SFXN4: variants seen among roughly 807,000 people sequenced by gnomAD.
SFXN4 encodes sideroflexin-4.
Under a neutral mutation model 54.6 loss-of-function variants are expected in SFXN4, and 48 were observed. The observed-to-expected ratio is 0.88, with a 90% CI of 0.70 to 1.12. The LOEUF (loss-of-function observed/expected upper bound fraction) is 1.12. SFXN4 is among the 50% of genes most tolerant of loss of function. The probability of loss-of-function intolerance (pLI) is 0.00; values close to 1 mark genes in which losing one functional copy is unlikely to be tolerated. For missense variants in SFXN4, 383 were observed against 409.2 expected, an observed-to-expected ratio of 0.94 and a Z score of 0.55; for synonymous variants, 130 against 145.5, an observed-to-expected ratio of 0.89 and a Z score of 0.77.
intron 11 of SFXN4, among the ~76,000 whole-genome samples, chr10:119,150,363 G>A (rs1847013065): frequency 6.6e-6 from 1 of 152,080 alleles, no homozygotes; most frequent in Non-Finnish European, 1.5e-5. Context: ...CAGGCAGGAG[G>A]TGCTGGGAAC....
At position 119,164,118 on chromosome 10, in the gene SFXN4, AAAC is replaced by A. The variant is rs1476670407; in HGVS notation, c.177+10_177+12del. ...AAAATGTGAAATTCATTAGCTCTGA[AAAC>A]AATACTTACAACTGAAATGAACACA... On this transcript the variant is annotated intron_variant, in intron 2 of 13. Transcript: ENST00000355697. 1.3e-6 allele frequency: 2 copies of A among 1,501,536 alleles called. No individual in the cohort carries two copies. Among genetic ancestry groups the A allele is most frequent in the African/African-American group, 2.8e-5 (2 of 71,470 alleles). 93.0% of individuals were successfully genotyped at this position (1,501,536 alleles called of 1,614,324 possible).
chr10:119,153,952 C>T (rs992114805), intron 11 of SFXN4, among the ~76,000 whole-genome samples: 18 of 151,946 alleles, frequency 1.2e-4, no homozygotes, highest in African/African-American at 3.9e-4. Context: ...CCGAGGCGGG[C>T]GGAACACCTG....
rs867165677 is a variant in SFXN4, at chr10:119,161,437, C to A, written c.253-356G>T. On this transcript the variant is annotated intron_variant, in intron 3 of 13. Coordinates refer to ENST00000355697, the MANE Select transcript of SFXN4 (RefSeq NM_213649.2). ...AAACAACAACAACAACAAAAAAAAA[C>A]AAAAAAAAAAAAAAAGCTTTTAAAG... Among the ~76,000 whole-genome samples the A allele has an allele frequency of 1.8e-3, 217 of 119,720 alleles. 1 individual carries two copies. Among genetic ancestry groups the A allele is most frequent in the African/African-American group, 3.8e-3 (122 of 31,750 alleles). The allele number at this position is 119,720 out of a possible 152,430, so 78.5% of individuals were successfully genotyped here. A position where few individuals can be genotyped will look rare whatever the true frequency, so the allele number is the denominator to read the frequency against.
Position 119,141,082 on chromosome 10 carries a change from C to T in SFXN4, c.*160G>A, listed in dbSNP as rs941409002. On this transcript the variant is annotated 3_prime_UTR_variant, in exon 14 of 14. Coordinates refer to ENST00000355697, the MANE Select transcript of SFXN4 (RefSeq NM_213649.2). The stretch of plus-strand genomic sequence containing the variant: ...CAGCCAGCCTTAAAAACCCCAGAGA[C>T]GCCAGCCTGGGAACGATCTCAGTAT... 2 of 553,552 alleles carry T rather than the reference C, an allele frequency of 3.6e-6. No homozygotes were observed. The allele number at this position is 553,552 out of a possible 1,614,324, so 34.3% of individuals were successfully genotyped here. A position where few individuals can be genotyped will look rare whatever the true frequency, so the allele number is the denominator to read the frequency against.
In SFXN4 at chr10:119,147,671, A is replaced by T. The variant is rs1846875188; in HGVS notation, c.818+104T>A. 4.5e-6 allele frequency: 4 copies of T among 895,326 alleles called. No homozygotes were observed. In the African/African-American group the frequency reaches 6.7e-5, roughly 15 times the overall value. 55.5% of individuals were successfully genotyped at this position (895,326 alleles called of 1,614,324 possible). On this transcript the variant is annotated intron_variant, in intron 12 of 13. Coordinates refer to ENST00000355697, the MANE Select transcript of SFXN4 (RefSeq NM_213649.2). ...TGTGATGTGTGTTTATGGGAAGGTTACTGAGCCAACTTCTCCCCACCCTCC... is the reference window on the plus strand; with the variant it reads ...TGTGATGTGTGTTTATGGGAAGGTTTCTGAGCCAACTTCTCCCCACCCTCC...
At chr10:119,152,520 G>C (rs1467646212) in intron 11 of SFXN4, among the ~76,000 whole-genome samples, 1 of 152,104 alleles carries the variant, frequency 6.6e-6, no homozygotes, top group African/African-American at 2.4e-5. Flanking sequence ...CCGACTGCAA[G>C]TGATCCAACT....
chr10:119,165,484 G>T (rs966191905), intron 1 of SFXN4, 53 bp downstream of exon 1: 6 of 1,494,592 alleles, frequency 4.0e-6, no homozygotes, highest in African/African-American at 2.9e-5. Context: ...CCGACTCCAC[G>T]CGGCCCGGCC....
At chr10:119,158,721 G>A (rs1349371763) in intron 6 of SFXN4, among the ~76,000 whole-genome samples, 1 of 149,836 alleles carries the variant, frequency 6.7e-6, no homozygotes, top group Non-Finnish European at 1.5e-5. Context: ...GATGGCTCAC[G>A]CCTATAATCC....
intron 13 of SFXN4, among the ~76,000 whole-genome samples, chr10:119,142,726 A>ATTTTT (rs573311460): frequency 2.5e-4 from 19 of 77,416 alleles, no homozygotes; most frequent in East Asian, 4.0e-4. Context: ...AATGTTTTGA[A>ATTTTT]TTTTTTTTTT....
At chr10:119,160,876 A>T (rs923146069) in intron 5 of SFXN4, 39 bp downstream of exon 5, 8 of 1,607,162 alleles carry the variant, frequency 5.0e-6, no homozygotes, top group Non-Finnish European at 6.8e-6. Context: ...TAGAAACTAC[A>T]TCTTCCCAAC....
chr10:119,165,195 A>C, intron 1 of SFXN4: 1 of 1,051,368 alleles, frequency 9.5e-7, no homozygotes, highest in Non-Finnish European at 1.1e-6. Context: ...AAAGTGGCTG[A>C]GCTTACCAAG....
intron 6 of SFXN4, among the ~76,000 whole-genome samples, 184 bp downstream of exon 6, chr10:119,159,544 G>T (rs886385250): frequency 1.6e-4 from 13 of 81,784 alleles, no homozygotes; most frequent in Non-Finnish European, 2.9e-4. Context: ...GTGTGGGGAG[G>T]GGGAGGGAGT....
chr10:119,165,427 G>A (rs561888891), intron 1 of SFXN4, 110 bp downstream of exon 1: 1 of 1,346,460 alleles, frequency 7.4e-7, no homozygotes, highest in South Asian at 1.7e-5. Flanking sequence ...GGAGGAAACG[G>A]AGACAGGGGG....
chr10:119,162,031 G>T, intron 3 of SFXN4: 1 of 394,690 alleles, frequency 2.5e-6, no homozygotes, highest in Non-Finnish European at 4.5e-6. Flanking sequence ...GTTTGCCACT[G>T]GGCTCCAGGA....
intron 11 of SFXN4, among the ~76,000 whole-genome samples, chr10:119,151,840 G>C (rs1348377040): frequency 6.6e-6 from 1 of 150,768 alleles, no homozygotes; most frequent in Non-Finnish European, 1.5e-5. Flanking sequence ...TTGAGACAAG[G>C]GTCTCTTTCT....
intron 13 of SFXN4, among the ~76,000 whole-genome samples, chr10:119,142,559 TTTTTTA>T (rs929027869): frequency 1.4e-5 from 2 of 145,558 alleles, no homozygotes; most frequent in East Asian, 2.0e-4. Context: ...TTTTTTTTTT[TTTTTTA>T]AATGAGATGG....
chr10:119,164,399 G>A (rs1282976303), intron 1 of SFXN4, among the ~76,000 whole-genome samples: 1 of 151,730 alleles, frequency 6.6e-6, no homozygotes, highest in African/African-American at 2.4e-5. Context: ...ACTCCTGAAT[G>A]TACTCAAGGC....
At chr10:119,148,218 C>T (rs1055875631) in intron 11 of SFXN4, among the ~76,000 whole-genome samples, 18 of 152,052 alleles carry the variant, frequency 1.2e-4, no homozygotes, top group Non-Finnish European at 5.9e-5. Context: ...AGGGATCCCA[C>T]AACTCCTGCG....
intron 6 of SFXN4, among the ~76,000 whole-genome samples, chr10:119,159,122 A>G (rs1847406006): frequency 6.6e-6 from 1 of 152,092 alleles, no homozygotes; most frequent in African/African-American, 2.4e-5. Context: ...TCTACTAAAA[A>G]TAAAAACATT....
Sources: allele counts gnomAD v4.1 joint callset (sites outside exome capture counted in the v4.1 genomes callset), GRCh38; gene constraint gnomAD v4.1.1; transcripts MANE v1.5; gene names NCBI Gene and HGNC (gene_info 2026-07-23, HGNC 2026-07-21).